The following XPNPEP3 variants were observed in gnomAD, a reference collection of about 807,000 sequenced individuals.
XPNPEP3 encodes X-prolyl aminopeptidase 3, also known as xaa-Pro aminopeptidase 3.
In XPNPEP3, 41 loss-of-function variants were observed where a neutral mutation model predicts 60.0. The observed-to-expected ratio is 0.68, with a 90% CI of 0.53 to 0.89. The LOEUF is 0.89. XPNPEP3 is among the 40% of genes least tolerant of loss of function. The pLI is 0.00. For missense variants in XPNPEP3, 598 were observed against 638.9 expected (o/e 0.94, Z 0.69); for synonymous variants, 212 against 223.2 (o/e 0.95, Z 0.45).
chr22:40,898,378 C>T (rs1366349165), intron 4 of XPNPEP3, among the ~76,000 whole-genome samples: 1 of 139,704 alleles, frequency 7.2e-6, no homozygotes, highest in Middle Eastern at 3.5e-3. Context: ...CTCAGCCTCC[C>T]GAGTAGCTGG....
chr22:40,920,224 T>C (rs974415069), intron 7 of XPNPEP3, among the ~76,000 whole-genome samples: 24 of 151,880 alleles, frequency 1.6e-4, no homozygotes, highest in African/African-American at 5.6e-4. Flanking sequence ...AAAAATTAGC[T>C]GGGCGTGGTG....
At chr22:40,887,501 C>T (rs905779878) in intron 4 of XPNPEP3, among the ~76,000 whole-genome samples, 6 of 152,132 alleles carry the variant, frequency 3.9e-5, no homozygotes, top group African/African-American at 4.8e-5. Context: ...AGGGCTCTCC[C>T]GGCTTACAGA....
At chr22:40,862,002 C>T (rs767225954) in intron 1 of XPNPEP3, 2 of 1,575,802 alleles carry the variant, frequency 1.3e-6, no homozygotes, top group Admixed American at 1.9e-5. Context: ...CATGTTTTAA[C>T]AGATAGTTGG....
intron 7 of XPNPEP3, among the ~76,000 whole-genome samples, chr22:40,918,567 C>T (rs2058204874): frequency 6.6e-6 from 1 of 151,750 alleles, no homozygotes; most frequent in Non-Finnish European, 1.5e-5. Context: ...GCCTGCAGTC[C>T]CAGCTACTCA....
At chr22:40,877,457 T>A (rs2058031826) in intron 2 of XPNPEP3, among the ~76,000 whole-genome samples, 1 of 152,228 alleles carries the variant, frequency 6.6e-6, no homozygotes, top group Admixed American at 6.5e-5. Flanking sequence ...TCAGTCTTTG[T>A]TATATCTTCC....
At position 40,882,088 on chromosome 22, in the gene XPNPEP3, G is replaced by A. The variant is rs1601499061; in HGVS notation, c.500G>A (p.Arg167Gln). 6 of 1,614,048 alleles carry A rather than the reference G, an allele frequency of 3.7e-6. No individual in the cohort carries two copies. Among genetic ancestry groups the A allele is most frequent in the Middle Eastern group, 1.6e-4 (1 of 6,062 alleles). ...DPSRELWDGP[R>Q]SGTDGAIALT... is the part of the protein sequence containing the mutation. The stretch of plus-strand genomic sequence containing the variant: ...AGTCGAGAACTTTGGGATGGTCCGC[G>A]ATCTGGCACTGATGGAGCAATAGCT... Residue 167 changes from arginine to glutamine, a missense_variant, in exon 3 of 10, where the codon CGA (arginine) becomes CAA (glutamine). Arg to Gln is a conservative substitution (Grantham distance 43). Coordinates refer to ENST00000357137, the MANE Select transcript of XPNPEP3 (RefSeq NM_022098.4).
chr22:40,873,607 T>C (rs1028447572), intron 2 of XPNPEP3, among the ~76,000 whole-genome samples: 2 of 151,896 alleles, frequency 1.3e-5, no homozygotes, highest in African/African-American at 4.8e-5. Context: ...TGAGACCTTA[T>C]CTCTGCAAAA....
chr22:40,926,162 T>G, intron 9 of XPNPEP3, 107 bp from the exon 10 acceptor site: 2 of 1,152,666 alleles, frequency 1.7e-6, no homozygotes, highest in Non-Finnish European at 2.6e-6. Flanking sequence ...ACCATAAAGA[T>G]CCAGTATTAC....
intron 4 of XPNPEP3, among the ~76,000 whole-genome samples, chr22:40,895,669 A>T (rs886901369): frequency 5.3e-5 from 8 of 151,940 alleles, no homozygotes; most frequent in Non-Finnish European, 7.4e-5. Flanking sequence ...TATAACTTTT[A>T]AAAAAAATTG....
chr22:40,894,952 G>A (rs2058102115), intron 4 of XPNPEP3, among the ~76,000 whole-genome samples: 1 of 152,102 alleles, frequency 6.6e-6, no homozygotes, highest in South Asian at 2.1e-4. Context: ...CAAATAATAG[G>A]GCTTTTGTGT....
chr22:40,861,844 C>T, intron 1 of XPNPEP3: 1 of 1,613,888 alleles, frequency 6.2e-7, no homozygotes. Flanking sequence ...TCGTATGCCT[C>T]AGCTACTTCT....
chr22:40,887,487 G>A (rs1170814086), intron 4 of XPNPEP3, among the ~76,000 whole-genome samples: 1 of 152,156 alleles, frequency 6.6e-6, no homozygotes, highest in Non-Finnish European at 1.5e-5. Context: ...GTCCATTTCT[G>A]GTGAGGGCTC....
intron 3 of XPNPEP3, among the ~76,000 whole-genome samples, chr22:40,885,528 G>T (rs2058065268): frequency 6.6e-6 from 1 of 152,160 alleles, no homozygotes; most frequent in Non-Finnish European, 1.5e-5. Flanking sequence ...TCCAGAATGG[G>T]AGGAGAACCC....
At position 40,931,975 on chromosome 22, in the gene XPNPEP3, G is replaced by A. The variant is rs187319928; in HGVS notation, c.*5540G>A. 2.0e-5 allele frequency: 3 copies of A among 152,200 alleles called. No homozygotes were observed. In the East Asian group the frequency reaches 5.8e-4, roughly 29 times the overall value. The allele number at this position is 152,200 out of a possible 1,614,324, so 9.4% of individuals were successfully genotyped here. A position where few individuals can be genotyped will look rare whatever the true frequency, so the allele number is the denominator to read the frequency against. On this transcript the variant is annotated 3_prime_UTR_variant, in exon 10 of 10. Transcript: ENST00000357137. ...TATTAAAACAGAAAAATGTACCTTT[G>A]TTATGTCTTTCCAAATATCCACACC...
intron 4 of XPNPEP3, 112 bp downstream of exon 4, chr22:40,886,627 C>T (rs2146254442): frequency 3.1e-6 from 3 of 956,640 alleles, no homozygotes; most frequent in African/African-American, 1.6e-5. Flanking sequence ...AGATCGAGAC[C>T]ATCCTGGCTA....
At chr22:40,917,748 T>C (rs2058201447) in intron 7 of XPNPEP3, 1 of 152,038 alleles carries the variant, frequency 6.6e-6, no homozygotes, top group Non-Finnish European at 1.5e-5. Flanking sequence ...TAAAAGTGCT[T>C]CCTTCAGCAG....
At position 40,881,761 on chromosome 22, in the gene XPNPEP3, C is replaced by T. The variant is rs375247019; in HGVS notation, c.182-9C>T. 1 of 1,613,908 alleles carries T rather than the reference C, an allele frequency of 6.2e-7. No individual in the cohort carries two copies. ...AATGTAAAGCATCCCTTTTATTTGT[C>T]ATTTCTAGGGGAGGTAACTCCAGGA... On this transcript the variant is annotated splice_polypyrimidine_tract_variant and intron_variant, in intron 2 of 9. Coordinates refer to ENST00000357137, the MANE Select transcript of XPNPEP3 (RefSeq NM_022098.4).
intron 4 of XPNPEP3, among the ~76,000 whole-genome samples, chr22:40,904,075 A>T (rs1159373618): frequency 6.6e-6 from 1 of 152,192 alleles, no homozygotes; most frequent in Non-Finnish European, 1.5e-5. Context: ...ACATTCAGGT[A>T]GCACTTAGTG....
At chr22:40,889,463 A>G (rs949208418) in intron 4 of XPNPEP3, among the ~76,000 whole-genome samples, 1 of 152,196 alleles carries the variant, frequency 6.6e-6, no homozygotes. Flanking sequence ...CATTAACTCT[A>G]TTTTTTGATA....
Sources: allele counts gnomAD v4.1 joint callset (sites outside exome capture counted in the v4.1 genomes callset), GRCh38; gene constraint gnomAD v4.1.1; transcripts MANE v1.5; gene names NCBI Gene and HGNC (gene_info 2026-07-23, HGNC 2026-07-21).